The following FAM131B variants were observed in gnomAD, a reference collection of about 807,000 sequenced individuals.
FAM131B encodes family with sequence similarity 131 member B, also known as protein FAM131B.
FAM131B carries 19 observed loss-of-function variants against 42.0 expected under a neutral mutation model. The observed-to-expected ratio is 0.45, with a 90% CI of 0.32 to 0.66. FAM131B has a LOEUF of 0.66. Ranked by LOEUF, FAM131B falls within the 30% of genes least tolerant of loss-of-function variation. The pLI is 0.05. For missense variants in FAM131B, 370 were observed against 468.4 expected, an observed-to-expected ratio of 0.79 and a Z score of 1.94; for synonymous variants, 183 against 177.6, an observed-to-expected ratio of 1.03 and a Z score of -0.24.
At chr7:143,380,141 G>T in the FAM131B span, 1 of 985,084 alleles carries the variant, frequency 1.0e-6, no homozygotes. The surrounding 1 kb of genome is among the most constrained non-coding windows in gnomAD (Gnocchi z 5.0). Context: ...AAGCGCCTAC[G>T]GGTGCATACT....
At position 143,359,950 on chromosome 7, in the gene FAM131B, G is replaced by T. The variant is rs1265074635; in HGVS notation, c.138+90C>A. On this transcript the variant is annotated intron_variant, in intron 2 of 6. Transcript: ENST00000443739. This position sits in a 1 kb window ranked among gnomAD's most constrained non-coding sequence, Gnocchi z 5.4. ...GTGTTGTGAGAAATGTTCTGTAGAA[G>T]TGTCAGTCTGAAGGAGTGTTTGGGT... The T allele has an allele frequency of 9.5e-7, 1 of 1,055,054 alleles. No individual in the cohort carries two copies. Among genetic ancestry groups the T allele is most frequent in the Non-Finnish European group, 1.4e-6 (1 of 693,734 alleles). 65.4% of individuals were successfully genotyped at this position (1,055,054 alleles called of 1,614,324 possible). A position where few individuals can be genotyped will look rare whatever the true frequency, so the allele number is the denominator to read the frequency against.
In FAM131B at chr7:143,358,641, G is replaced by T. The variant is rs956030495; in HGVS notation, c.466+186C>A. 6.6e-6 allele frequency among the ~76,000 whole-genome samples: 1 copy of T among 152,178 alleles called. No homozygotes were observed. Among genetic ancestry groups the T allele is most frequent in the Non-Finnish European group, 1.5e-5 (1 of 68,038 alleles). On this transcript the variant is annotated intron_variant, in intron 5 of 6. Transcript: ENST00000443739. The surrounding 1 kb of genome is among the most constrained non-coding windows in gnomAD (Gnocchi z 4.7). ...TCTAATTACACGCATTTTCTGAGAT[G>T]ATTATAAAAATATGTTTGAGGGCAC...
At chr7:143,381,327 G>T in the FAM131B span, 4 of 1,128,162 alleles carry the variant, frequency 3.5e-6, no homozygotes, top group Non-Finnish European at 4.4e-6. Context: ...CCGGCTGGAG[G>T]CTGCTCCGGA....
chr7:143,358,750 C>T lies in FAM131B; in HGVS notation c.466+77G>A, dbSNP rs1477216272. ...CAAAGTATGGATGGAGCTAATCCTG[C>T]CACAGGGGATCAGGTTGGAGGGTCG... On this transcript the variant is annotated intron_variant, in intron 5 of 6. Transcript: ENST00000443739. This position sits in a 1 kb window ranked among gnomAD's most constrained non-coding sequence, Gnocchi z 4.7. 1 of 1,152,878 alleles carries T rather than the reference C, an allele frequency of 8.7e-7. No homozygotes were observed. Among genetic ancestry groups the T allele is most frequent in the Non-Finnish European group, 1.3e-6 (1 of 781,654 alleles). 71.4% of individuals were successfully genotyped at this position (1,152,878 alleles called of 1,614,324 possible).
At chr7:143,375,171 A>T in the FAM131B span, among the ~76,000 whole-genome samples, 1 of 152,336 alleles carries the variant, frequency 6.6e-6, no homozygotes, top group South Asian at 2.1e-4. Flanking sequence ...TACCAAATAC[A>T]GGGCCTGCCT....
chr7:143,373,996 C>G, the FAM131B span, among the ~76,000 whole-genome samples: 1 of 152,164 alleles, frequency 6.6e-6, no homozygotes, highest in Non-Finnish European at 1.5e-5. Flanking sequence ...GTGCATACCT[C>G]CCTCTTCCAC....
In FAM131B at chr7:143,357,439, C is replaced by T. The variant is rs373437927; in HGVS notation, c.467-16G>A. ...TCCATGACGCCTGGGGGAAGAAATG[C>T]AACAACCACAAAATACCTCAGGGAA... On this transcript the variant is annotated splice_polypyrimidine_tract_variant and intron_variant, in intron 5 of 6. Transcript: ENST00000443739. 2 of 1,602,072 alleles carry T rather than the reference C, an allele frequency of 1.2e-6. No homozygotes were observed. The highest frequency in any genetic ancestry group is 1.7e-6 in the Non-Finnish European group (2 of 1,173,880).
chr7:143,363,097 G>T (rs1365797924), upstream of FAM131B, among the ~76,000 whole-genome samples: 5 of 152,166 alleles, frequency 3.3e-5, no homozygotes, highest in Non-Finnish European at 7.4e-5. Context: ...AAGTGGGGTG[G>T]TGGTGAGAAT....
the FAM131B span, among the ~76,000 whole-genome samples, chr7:143,369,770 T>C: frequency 3.4e-3 from 519 of 152,276 alleles, 5 homozygotes; most frequent in African/African-American, 0.012. Flanking sequence ...CATTGTTCTT[T>C]CTAACTTAGG....
Position 143,362,368 on chromosome 7 carries a change from C to T in FAM131B, c.28+208G>A, listed in dbSNP as rs1345564973. On this transcript the variant is annotated intron_variant, in intron 1 of 6. Coordinates refer to ENST00000443739, the MANE Select transcript of FAM131B (RefSeq NM_001031690.3). This position sits in a 1 kb window ranked among gnomAD's most constrained non-coding sequence, Gnocchi z 7.7. ...GACGGGGAGAAGGAAGCGAGCCGAGCGGGATGGCAGCCCCGGAGGCGCAAG... is the reference window on the plus strand; with the variant it reads ...GACGGGGAGAAGGAAGCGAGCCGAGTGGGATGGCAGCCCCGGAGGCGCAAG... Among the ~76,000 whole-genome samples, 1 of 151,994 alleles carries T rather than the reference C, an allele frequency of 6.6e-6. No individual in the cohort carries two copies. The highest frequency in any genetic ancestry group is 1.5e-5 in the Non-Finnish European group (1 of 67,968).
the FAM131B span, among the ~76,000 whole-genome samples, chr7:143,374,580 G>A: frequency 1.3e-5 from 2 of 152,136 alleles, no homozygotes; most frequent in Non-Finnish European, 2.9e-5. Flanking sequence ...CTCTGCGGTA[G>A]TTCCCCATTG....
At position 143,355,140 on chromosome 7, in the gene FAM131B, G is replaced by A. The variant is rs1390684164; in HGVS notation, c.*1410C>T. The A allele has an allele frequency of 6.5e-6, 1 of 152,746 alleles. No individual in the cohort carries two copies. Among genetic ancestry groups the A allele is most frequent in the African/African-American group, 2.4e-5 (1 of 41,472 alleles). The allele number at this position is 152,746 out of a possible 1,614,324, so 9.5% of individuals were successfully genotyped here. A position where few individuals can be genotyped will look rare whatever the true frequency, so the allele number is the denominator to read the frequency against. On this transcript the variant is annotated 3_prime_UTR_variant, in exon 7 of 7. Coordinates refer to ENST00000443739, the MANE Select transcript of FAM131B (RefSeq NM_001031690.3). This position sits in a 1 kb window ranked among gnomAD's most constrained non-coding sequence, Gnocchi z 4.1. The stretch of plus-strand genomic sequence containing the variant: ...GAACTCTGCCTGTGCCAAGGGCTGG[G>A]GAGGGGCTACCTGGGCAGTGGCAGG...
upstream of FAM131B, among the ~76,000 whole-genome samples, chr7:143,366,805 G>T (rs149488707): frequency 2.6e-5 from 4 of 152,102 alleles, no homozygotes; most frequent in Admixed American, 6.6e-5. Context: ...CGATCTGCCC[G>T]CCTTGGCCTC....
At chr7:143,367,937 CTG>C in the FAM131B span, among the ~76,000 whole-genome samples, 1 of 152,210 alleles carries the variant, frequency 6.6e-6, no homozygotes, top group Non-Finnish European at 1.5e-5. Context: ...TGCATTTGCC[CTG>C]TGTTTTCTTT....
the FAM131B span, among the ~76,000 whole-genome samples, chr7:143,368,031 AGCCAGCAGATCGCGCCTGCATATCT>A: frequency 2.6e-5 from 4 of 152,366 alleles, no homozygotes; most frequent in African/African-American, 4.8e-5. Context: ...AGAAAGGCCA[AGCCAGCAGATCGCGCCTGCATATCT>A]GCCAGAGAGC....
At chr7:143,357,592 T>G (rs940961293) in intron 5 of FAM131B, among the ~76,000 whole-genome samples, 169 bp from the exon 6 acceptor site, 1 of 152,188 alleles carries the variant, frequency 6.6e-6, no homozygotes, top group Non-Finnish European at 1.5e-5. Flanking sequence ...AGAAACAGGT[T>G]AAATCAATTG....
At chr7:143,371,649 A>G in the FAM131B span, among the ~76,000 whole-genome samples, 1 of 151,788 alleles carries the variant, frequency 6.6e-6, no homozygotes, top group East Asian at 1.9e-4. Context: ...AAAGAAAAAA[A>G]GAAAGGAGAG....
At chr7:143,364,303 G>T (rs199507851), upstream of FAM131B, 2 of 134,270 alleles carry the variant, frequency 1.5e-5, no homozygotes, top group Admixed American at 1.4e-4. Context: ...AAAAAAAAAA[G>T]AACAAACAGC....
chr7:143,358,315 A>G lies in FAM131B; in HGVS notation c.466+512T>C, dbSNP rs6464544. ...CTACAGCTTGGCCACTCTTGTAGGC[A>G]CACTGCATGCCTGTTATCAGACCTA... On this transcript the variant is annotated intron_variant, in intron 5 of 6. Coordinates refer to ENST00000443739, the MANE Select transcript of FAM131B (RefSeq NM_001031690.3). The surrounding 1 kb of genome is among the most constrained non-coding windows in gnomAD (Gnocchi z 4.7). 0.48 allele frequency among the ~76,000 whole-genome samples: 72,857 copies of G among 151,976 alleles called. 18,197 individuals carry two copies. The highest frequency in any genetic ancestry group is 0.55 in the African/African-American group (22,875 of 41,414).
Sources: allele counts gnomAD v4.1 joint callset (sites outside exome capture counted in the v4.1 genomes callset), GRCh38; gene constraint gnomAD v4.1.1; non-coding constraint Gnocchi (gnomAD v3.1); transcripts MANE v1.5; gene names NCBI Gene and HGNC (gene_info 2026-07-23, HGNC 2026-07-21).